The following ANGPTL4 variants were observed in gnomAD, a reference collection of about 807,000 sequenced individuals.
ANGPTL4 encodes angiopoietin like 4.
A neutral mutation model predicts 39.2 loss-of-function variants in ANGPTL4; 39 were observed. The observed-to-expected ratio is 1.00, with a 90% CI of 0.77 to 1.30. ANGPTL4 has a LOEUF of 1.30. Ranked by LOEUF, ANGPTL4 falls within the 50% of genes most tolerant of loss-of-function variation. The probability of loss-of-function intolerance (pLI) is 0.00; values close to 1 mark genes in which losing one functional copy is unlikely to be tolerated. For missense variants in ANGPTL4, 545 were observed against 549.8 expected (o/e 0.99, Z 0.09); for synonymous variants, 233 against 229.5 (o/e 1.02, Z -0.14).
In ANGPTL4 at chr19:8,373,826, C is replaced by T. The variant is rs768365112; in HGVS notation, c.1161C>T (p.Tyr387=). 4.3e-6 allele frequency: 7 copies of T among 1,613,902 alleles called. No homozygotes were observed. Among genetic ancestry groups the T allele is most frequent in the Non-Finnish European group, 4.2e-6 (5 of 1,180,018 alleles). ...GIFWKTWRGR[Y]YPLQATTMLI... ...TCTGGAAGACCTGGCGGGGCCGCTACTACCCGCTGCAGGCCACCACCATGT... is the reference window on the plus strand; with the variant it reads ...TCTGGAAGACCTGGCGGGGCCGCTATTACCCGCTGCAGGCCACCACCATGT... The change falls in exon 7 of 7, where the codon TAC becomes TAT. Residue 387 remains tyrosine (Y), a synonymous_variant. Transcript: ENST00000301455.
rs950014015 is a variant in ANGPTL4 at position 8,374,052 on chromosome 19, G to C, written c.*166G>C. The C allele has an allele frequency of 2.1e-5, 15 of 721,826 alleles. No individual in the cohort carries two copies. In the African/African-American group the frequency reaches 2.1e-4, roughly 10 times the overall value. The allele number at this position is 721,826 out of a possible 1,614,324, so 44.7% of individuals were successfully genotyped here. ...TGGAGAAGCCCCCTTTCTGAGTGCA[G>C]GGGGGCTGCATGCGTTGCCTCCTGA... On this transcript the variant is annotated 3_prime_UTR_variant, in exon 7 of 7. Transcript: ENST00000301455.
intron 4 of ANGPTL4, among the ~76,000 whole-genome samples, chr19:8,370,648 T>C (rs546995038): frequency 1.4e-5 from 2 of 144,714 alleles, no homozygotes; most frequent in South Asian, 2.1e-4. Context: ...TGCAGTGAGC[T>C]GAGATTGCGG....
In ANGPTL4 at chr19:8,366,010, G is replaced by C; in HGVS notation, c.375G>C (p.Gln125His). The C allele has an allele frequency of 1.2e-6, 2 of 1,614,124 alleles. No individual in the cohort carries two copies. Among genetic ancestry groups the C allele is most frequent in the Non-Finnish European group, 1.7e-6 (2 of 1,180,018 alleles). Reference protein sequence around the residue: ...RIQQLFHKVAQQQRHLEKQHL... With the variant: ...RIQQLFHKVAHQQRHLEKQHL... Reference sequence around the variant, plus strand: ...AGCAACTCTTCCACAAGGTGGCCCAGCAGCAGCGGCACCTGGAGAAGCAGC... The same window carrying C: ...AGCAACTCTTCCACAAGGTGGCCCACCAGCAGCGGCACCTGGAGAAGCAGC... Residue 125 changes from glutamine to histidine, a missense_variant, in exon 2 of 7, where the codon CAG (glutamine) becomes CAC (histidine). Physicochemically the swap from Gln to His is conservative, Grantham distance 24. Coordinates refer to ENST00000301455, the MANE Select transcript of ANGPTL4 (RefSeq NM_139314.3).
Position 8,371,307 on chromosome 19 carries a change from T to A in ANGPTL4, c.824T>A (p.Val275Glu). 6.2e-7 allele frequency: 1 copy of A among 1,613,878 alleles called. No homozygotes were observed. Among genetic ancestry groups the A allele is most frequent in the African/African-American group, 1.3e-5 (1 of 75,052 alleles). ...ITGDRNSRLA[V>E]QLRDWDGNAE... ...GGGGACCGCAACAGCCGCCTGGCCG[T>A]GCAGCTGCGGGACTGGGATGGCAAC... Residue 275 changes from valine (V) to glutamate (E), a missense_variant, in exon 6 of 7, where the codon GTG becomes GAG. By Grantham distance (121) the Val-to-Glu change is moderately radical. Coordinates refer to ENST00000301455, the MANE Select transcript of ANGPTL4 (RefSeq NM_139314.3). This position sits in a 1 kb window ranked among gnomAD's most constrained non-coding sequence, Gnocchi z 5.1.
intron 3 of ANGPTL4, among the ~76,000 whole-genome samples, chr19:8,366,754 G>A (rs1971014343): frequency 6.6e-6 from 1 of 152,012 alleles, no homozygotes; most frequent in Non-Finnish European, 1.5e-5. Context: ...CTTGGGGTAT[G>A]TGGGAATTAG....
In ANGPTL4 at chr19:8,371,360, C is replaced by G; in HGVS notation, c.877C>G (p.Leu293Val). Residue 293 changes from leucine to valine, a missense_variant, in exon 6 of 7, where the codon CTG (leucine) becomes GTG (valine). Transcript: ENST00000301455. The surrounding 1 kb of genome is among the most constrained non-coding windows in gnomAD (Gnocchi z 5.1). ...NAELLQFSVH[L>V]GGEDTAYSLQ... ...CGAGTTGCTGCAGTTCTCCGTGCAC[C>G]TGGGTGGCGAGGACACGGCCTATAG... 6.2e-7 allele frequency: 1 copy of G among 1,613,680 alleles called. No homozygotes were observed. The highest frequency in any genetic ancestry group is 1.1e-5 in the South Asian group (1 of 91,086).
chr19:8,368,111 C>T (rs1053233935), intron 3 of ANGPTL4, among the ~76,000 whole-genome samples: 6 of 150,776 alleles, frequency 4.0e-5, no homozygotes, highest in South Asian at 2.1e-4. Context: ...CTCTGCCTCC[C>T]GGGTTCAAGT....
In ANGPTL4 at chr19:8,371,691, C is replaced by T. The variant is rs912749973; in HGVS notation, c.1039+169C>T. ...ACTTAGCCTATCTGGCCTCAGTTTT[C>T]CCATCCTGAAAAGGGTCTTGACCGT... On this transcript the variant is annotated intron_variant, in intron 6 of 6. Coordinates refer to ENST00000301455, the MANE Select transcript of ANGPTL4 (RefSeq NM_139314.3). This position sits in a 1 kb window ranked among gnomAD's most constrained non-coding sequence, Gnocchi z 5.1. Among the ~76,000 whole-genome samples, 7 of 152,176 alleles carry T rather than the reference C, an allele frequency of 4.6e-5. No homozygotes were observed. The highest frequency in any genetic ancestry group is 9.7e-5 in the African/African-American group (4 of 41,444).
chr19:8,368,579 C>T (rs951104539), intron 3 of ANGPTL4, among the ~76,000 whole-genome samples: 1 of 152,088 alleles, frequency 6.6e-6, no homozygotes, highest in Non-Finnish European at 1.5e-5. Context: ...GAGAGTCCCG[C>T]CGGGCGCAGT....
chr19:8,373,496 G>T (rs1971166324), intron 6 of ANGPTL4, among the ~76,000 whole-genome samples: 1 of 151,892 alleles, frequency 6.6e-6, no homozygotes, highest in Non-Finnish European at 1.5e-5. Context: ...ACTTAAACCT[G>T]AGAGACGGAG....
In ANGPTL4 at chr19:8,364,671, C is replaced by G. The variant is rs753330042; in HGVS notation, c.318+32C>G. The G allele has an allele frequency of 7.0e-6, 11 of 1,562,404 alleles. No individual in the cohort carries two copies. The African/African-American group carries it at 1.5e-4, about 21-fold the overall frequency. ...GTCCCCAGGGCTGGTTCTCCGCGCC[C>G]CTAGTGGCTCTCCTGGCTTGGAAGG... On this transcript the variant is annotated intron_variant, in intron 1 of 6. Coordinates refer to ENST00000301455, the MANE Select transcript of ANGPTL4 (RefSeq NM_139314.3).
At position 8,373,955 on chromosome 19, in the gene ANGPTL4, C is replaced by A; in HGVS notation, c.*69C>A. 1 of 1,557,454 alleles carries A rather than the reference C, an allele frequency of 6.4e-7. No individual in the cohort carries two copies. The highest frequency in any genetic ancestry group is 8.8e-7 in the Non-Finnish European group (1 of 1,136,302). ...TCTTGGCTCTGCCCGAGGATGTGGC[C>A]GTTCCCTGCCTGGGCAGGGGCTCCA... On this transcript the variant is annotated 3_prime_UTR_variant, in exon 7 of 7. Transcript: ENST00000301455.
intron 1 of ANGPTL4, 22 bp from the exon 2 acceptor site, chr19:8,365,932 C>T (rs768583490): frequency 1.2e-6 from 2 of 1,605,544 alleles, no homozygotes; most frequent in Non-Finnish European, 1.7e-6. Context: ...GGGTCCTCAC[C>T]AAGGTTTTCA....
At chr19:8,372,392 C>CTTTT (rs34408253) in intron 6 of ANGPTL4, among the ~76,000 whole-genome samples, 2 of 110,312 alleles carry the variant, frequency 1.8e-5, no homozygotes, top group Admixed American at 1.0e-4. Context: ...CCACAGGATT[C>CTTTT]TTTTTTTTTT....
At chr19:8,366,915 T>C (rs1971018258) in intron 3 of ANGPTL4, among the ~76,000 whole-genome samples, 1 of 132,762 alleles carries the variant, frequency 7.5e-6, no homozygotes, top group Non-Finnish European at 1.6e-5. Flanking sequence ...GAAAGTGGGC[T>C]TTTGCTGCCA....
intron 6 of ANGPTL4, among the ~76,000 whole-genome samples, chr19:8,372,147 C>T (rs987786135): frequency 6.6e-6 from 1 of 152,034 alleles, no homozygotes; most frequent in Non-Finnish European, 1.5e-5. Flanking sequence ...GCCTCCGCCT[C>T]CTGGGTTCAA....
At chr19:8,373,613 C>T (rs903351356) in intron 6 of ANGPTL4, 92 bp from the exon 7 acceptor site, 7 of 1,575,616 alleles carry the variant, frequency 4.4e-6, no homozygotes, top group African/African-American at 1.4e-5. Context: ...TGGTCCCCAA[C>T]CTGCCTCATC....
At chr19:8,365,847 C>T (rs1970991230) in intron 1 of ANGPTL4, 107 bp from the exon 2 acceptor site, 5 of 862,150 alleles carry the variant, frequency 5.8e-6, no homozygotes, top group Non-Finnish European at 5.8e-6. Flanking sequence ...GAAAGACTCC[C>T]TTGCCTGGCC....
chr19:8,366,020 C>T lies in ANGPTL4; in HGVS notation c.385C>T (p.His129Tyr), dbSNP rs1970995881. The change falls in exon 2 of 7, where the codon CAC (histidine) becomes TAC (tyrosine). Residue 129 changes from histidine (H) to tyrosine (Y), a missense_variant. Coordinates refer to ENST00000301455, the MANE Select transcript of ANGPTL4 (RefSeq NM_139314.3). ...LFHKVAQQQRHLEKQHLRIQH... is the reference protein window; with the variant it reads ...LFHKVAQQQRYLEKQHLRIQH... ...CCACAAGGTGGCCCAGCAGCAGCGG[C>T]ACCTGGAGAAGCAGCACCTGCGAAT... The T allele has an allele frequency of 6.2e-7, 1 of 1,614,128 alleles. No homozygotes were observed. The highest frequency in any genetic ancestry group is 2.2e-5 in the East Asian group (1 of 44,880).
Sources: gnomAD v4.1 joint callset for allele counts (sites outside exome capture counted in the v4.1 genomes callset) on GRCh38, gnomAD v4.1.1 for gene constraint, Gnocchi (gnomAD v3.1) non-coding constraint, MANE v1.5 for transcripts, NCBI Gene and HGNC (gene_info 2026-07-23, HGNC 2026-07-21) for gene names.